The following KCNIP4 variants were observed in gnomAD, a reference collection of about 807,000 sequenced individuals.
The protein encoded by KCNIP4 is potassium voltage-gated channel interacting protein 4.
A neutral mutation model predicts 34.0 loss-of-function variants in KCNIP4; 12 were observed. The observed-to-expected ratio is 0.35, with a 90% CI of 0.23 to 0.57. The LOEUF is 0.57. Ranked by LOEUF, KCNIP4 falls within the 20% of genes least tolerant of loss-of-function variation. The probability of loss-of-function intolerance (pLI) is 0.83; values close to 1 mark genes in which losing one functional copy is unlikely to be tolerated. For synonymous variants in KCNIP4, 124 were observed against 102.2 expected (o/e 1.21, Z -1.29); for missense variants, 238 against 311.7 (o/e 0.76, Z 1.78).
At chr4:20,876,712 C>T (rs987841838) in intron 2 of KCNIP4, among the ~76,000 whole-genome samples, 1 of 152,052 alleles carries the variant, frequency 6.6e-6, no homozygotes, top group Non-Finnish European at 1.5e-5. Context: ...GTAGCTGGGA[C>T]TACAGACGTG....
intron 1 of KCNIP4, among the ~76,000 whole-genome samples, chr4:20,885,748 T>C (rs1430832785): frequency 6.6e-6 from 1 of 152,194 alleles, no homozygotes; most frequent in Non-Finnish European, 1.5e-5. Flanking sequence ...TATAAAGCAC[T>C]TATCACAGTG....
chr4:21,314,870 C>T (rs954891317), intron 1 of KCNIP4, among the ~76,000 whole-genome samples: 1 of 152,162 alleles, frequency 6.6e-6, no homozygotes, highest in African/African-American at 2.4e-5. Context: ...AACACTGTAG[C>T]TTGGGGCTCC....
chr4:21,459,444 G>A (rs776834096), intron 1 of KCNIP4, among the ~76,000 whole-genome samples: 24 of 151,840 alleles, frequency 1.6e-4, no homozygotes, highest in Non-Finnish European at 3.1e-4. Context: ...AGTACCCCAG[G>A]GACTACATTT....
chr4:20,881,984 C>A (rs1365304410), intron 2 of KCNIP4, among the ~76,000 whole-genome samples: 4 of 152,186 alleles, frequency 2.6e-5, no homozygotes, highest in East Asian at 1.9e-4. Flanking sequence ...TGAGCCAATT[C>A]CTTCAAATAA....
chr4:20,833,862 T>C (rs10033363), intron 3 of KCNIP4, among the ~76,000 whole-genome samples: 118,646 of 152,086 alleles, frequency 0.78, 46,456 homozygotes, highest in African/African-American at 0.83. Flanking sequence ...TTATAAATAG[T>C]TTGTAAAGTG....
At chr4:20,786,920 G>A (rs987419392) in intron 3 of KCNIP4, among the ~76,000 whole-genome samples, 2 of 152,122 alleles carry the variant, frequency 1.3e-5, no homozygotes, top group African/African-American at 4.8e-5. Context: ...AGACGGGCCC[G>A]ATAAAGTATC....
intron 1 of KCNIP4, among the ~76,000 whole-genome samples, chr4:21,234,839 G>C (rs1438167874): frequency 6.6e-6 from 1 of 151,554 alleles, no homozygotes; most frequent in Non-Finnish European, 1.5e-5. Flanking sequence ...GTAGAAACAG[G>C]GTTTTATCAT....
At chr4:21,770,342 C>A (rs1364525771) in intron 1 of KCNIP4, among the ~76,000 whole-genome samples, 3 of 152,026 alleles carry the variant, frequency 2.0e-5, no homozygotes, top group African/African-American at 4.8e-5. Flanking sequence ...GTATATGTAC[C>A]ACATTTTCTT....
At chr4:21,315,695 A>G (rs1713674987) in intron 1 of KCNIP4, among the ~76,000 whole-genome samples, 1 of 152,194 alleles carries the variant, frequency 6.6e-6, no homozygotes, top group African/African-American at 2.4e-5. Context: ...CTCCCAAGGT[A>G]TACCCAGAAT....
intron 1 of KCNIP4, among the ~76,000 whole-genome samples, chr4:21,181,521 C>CA (rs961711114): frequency 6.6e-6 from 1 of 152,072 alleles, no homozygotes; most frequent in African/African-American, 2.4e-5. Context: ...TGCATCCATC[C>CA]ATCCATCCAT....
intron 1 of KCNIP4, among the ~76,000 whole-genome samples, chr4:21,441,686 G>A (rs1369616992): frequency 1.3e-5 from 2 of 151,996 alleles, no homozygotes; most frequent in Non-Finnish European, 2.9e-5. Flanking sequence ...ATCCTCCTAC[G>A]ATTACTTTCA....
chr4:21,788,876 C>T (rs112314409), intron 1 of KCNIP4, among the ~76,000 whole-genome samples: 17,250 of 151,740 alleles, frequency 0.11, 2,924 homozygotes, highest in African/African-American at 0.37. Flanking sequence ...AGATCAAGAC[C>T]ATCCTGGACA....
chr4:21,632,731 A>G (rs1016995464), intron 1 of KCNIP4, among the ~76,000 whole-genome samples: 2 of 152,170 alleles, frequency 1.3e-5, no homozygotes, highest in Non-Finnish European at 2.9e-5. Flanking sequence ...AGATAAGAAA[A>G]TTCACCATTA....
chr4:21,751,255 CTTTG>C (rs1159921376), intron 1 of KCNIP4, among the ~76,000 whole-genome samples: 2 of 152,114 alleles, frequency 1.3e-5, no homozygotes, highest in Admixed American at 1.3e-4. Context: ...CATATAAAGA[CTTTG>C]TTTGGATTGT....
At chr4:20,948,267 GC>G (rs1441445937) in intron 1 of KCNIP4, among the ~76,000 whole-genome samples, 1 of 152,208 alleles carries the variant, frequency 6.6e-6, no homozygotes, top group Non-Finnish European at 1.5e-5. Context: ...AATATTGGAT[GC>G]CTGAAAAGTG....
At chr4:21,274,056 C>T (rs1201960696) in intron 1 of KCNIP4, among the ~76,000 whole-genome samples, 1 of 152,172 alleles carries the variant, frequency 6.6e-6, no homozygotes, top group Admixed American at 6.6e-5. Flanking sequence ...TTGCAGGTCT[C>T]ATATGACCTT....
chr4:21,543,016 T>C (rs1737833754), intron 1 of KCNIP4, among the ~76,000 whole-genome samples: 1 of 151,968 alleles, frequency 6.6e-6, no homozygotes, highest in African/African-American at 2.4e-5. Context: ...TAAAATGTCA[T>C]GAAATATTAC....
chr4:21,517,098 T>A (rs1205024096), intron 1 of KCNIP4, among the ~76,000 whole-genome samples: 1 of 152,024 alleles, frequency 6.6e-6, no homozygotes, highest in Non-Finnish European at 1.5e-5. Flanking sequence ...TGAAGAACAA[T>A]GGAAATTCTA....
chr4:20,972,363 T>C (rs1356827600), intron 1 of KCNIP4, among the ~76,000 whole-genome samples: 2 of 152,140 alleles, frequency 1.3e-5, no homozygotes, highest in Admixed American at 6.5e-5. Flanking sequence ...TCTTAAATAA[T>C]AAGATGTGAA....
Sources: gnomAD v4.1 joint callset for allele counts (sites outside exome capture counted in the v4.1 genomes callset) on GRCh38, gnomAD v4.1.1 for gene constraint, MANE v1.5 for transcripts, NCBI Gene and HGNC (gene_info 2026-07-23, HGNC 2026-07-21) for gene names.